The following NUP153 variants were observed in gnomAD, a reference collection of about 807,000 sequenced individuals.
NUP153 encodes the protein nucleoporin 153.
In NUP153, 27 loss-of-function variants were observed where a neutral mutation model predicts 134.6. The ratio of observed to expected loss-of-function variants is 0.20; its 90% CI spans 0.15 to 0.28. The LOEUF (loss-of-function observed/expected upper bound fraction) is 0.28. Among genes scored for constraint, NUP153 ranks in the 10% least tolerant of loss-of-function variants. The probability of loss-of-function intolerance (pLI) is 1.00; values close to 1 mark genes in which losing one functional copy is unlikely to be tolerated. For missense variants in NUP153, 1,821 were observed against 1,731.3 expected (o/e 1.05, Z -0.92); for synonymous variants, 640 against 623.5 (o/e 1.03, Z -0.40).
intron 1 of NUP153, among the ~76,000 whole-genome samples, chr6:17,701,836 G>GGGT (rs1554148697): frequency 9.4e-6 from 1 of 106,412 alleles, no homozygotes; most frequent in Non-Finnish European, 2.0e-5. Context: ...CTGTCTCGGG[G>GGGT]GGGGGGGGAA....
At chr6:17,647,534 CT>C (rs1766262718) in intron 13 of NUP153, among the ~76,000 whole-genome samples, 2 of 152,100 alleles carry the variant, frequency 1.3e-5, no homozygotes, top group South Asian at 4.1e-4. Context: ...AAAGGAATGT[CT>C]TTTTTCTTAA....
chr6:17,692,682 T>C (rs1159401276), intron 1 of NUP153, among the ~76,000 whole-genome samples: 3 of 152,164 alleles, frequency 2.0e-5, no homozygotes, highest in Admixed American at 6.5e-5. Context: ...TTAAGCTTAA[T>C]ATAATTGAGT....
intron 2 of NUP153, among the ~76,000 whole-genome samples, chr6:17,685,417 C>G (rs1284451378): frequency 6.6e-6 from 1 of 152,054 alleles, no homozygotes; most frequent in Non-Finnish European, 1.5e-5. Flanking sequence ...GGCCTGGTGG[C>G]GGGCACCTGC....
At chr6:17,701,295 C>T (rs1343738340) in intron 1 of NUP153, among the ~76,000 whole-genome samples, 1 of 151,146 alleles carries the variant, frequency 6.6e-6, no homozygotes, top group Non-Finnish European at 1.5e-5. Context: ...TTTGAGAGGC[C>T]GAGGAGGCCA....
chr6:17,646,064 T>C lies in NUP153; in HGVS notation c.1720+3A>G. The C allele has an allele frequency of 6.9e-7, 1 of 1,454,650 alleles. No homozygotes were observed. Among genetic ancestry groups the C allele is most frequent in the Non-Finnish European group, 9.6e-7 (1 of 1,043,238 alleles). The allele number at this position is 1,454,650 out of a possible 1,614,324, so 90.1% of individuals were successfully genotyped here. ...TGTTAAAATGTAAGAAATTTTTACT[T>C]ACCTGAACTACTTATAATTGGTTCT... is the stretch of plus-strand genomic sequence containing the variant. On this transcript the variant is annotated splice_donor_region_variant and intron_variant, in intron 14 of 21. Coordinates refer to ENST00000262077, the MANE Select transcript of NUP153 (RefSeq NM_005124.4).
intron 14 of NUP153, among the ~76,000 whole-genome samples, chr6:17,644,437 G>C (rs1484352804): frequency 1.3e-5 from 2 of 152,134 alleles, no homozygotes; most frequent in Non-Finnish European, 2.9e-5. Context: ...TAGCATTCCA[G>C]AACTTTTAGG....
At chr6:17,617,220 AG>A (rs1764379112) in intron 20 of NUP153, among the ~76,000 whole-genome samples, 1 of 152,190 alleles carries the variant, frequency 6.6e-6, no homozygotes, top group South Asian at 2.1e-4. Context: ...CAAGGGGAAA[AG>A]GGCACCCTGG....
In NUP153 at chr6:17,665,285, G is replaced by A. The variant is rs1394651391; in HGVS notation, c.1169C>T (p.Ser390Phe). 3 of 1,611,416 alleles carry A rather than the reference G, an allele frequency of 1.9e-6. No individual in the cohort carries two copies. Among genetic ancestry groups the A allele is most frequent in the Non-Finnish European group, 8.5e-7 (1 of 1,177,636 alleles). The change falls in exon 9 of 22, where the codon TCT (serine) becomes TTT (phenylalanine). Residue 390 changes from serine to phenylalanine, a missense_variant. By Grantham distance (155) the Ser-to-Phe change is radical. Coordinates refer to ENST00000262077, the MANE Select transcript of NUP153 (RefSeq NM_005124.4). ...SVYFKPSLTP[S>F]GEFRKTNQRI... ...TTGATTAGTCTTCCTGAATTCACCA[G>A]AAGGAGTCAGAGATGGTTTAAAATA... is the stretch of plus-strand genomic sequence containing the variant.
chr6:17,637,090 G>C (rs942708986), intron 16 of NUP153, 63 bp downstream of exon 16: 2 of 1,435,450 alleles, frequency 1.4e-6, no homozygotes. Flanking sequence ...AGGATTCTTA[G>C]AATAAATTAA....
Position 17,655,476 on chromosome 6 carries a change from CAA to C in NUP153, c.1395+6175_1395+6176del, listed in dbSNP as rs1766761169. Among the ~76,000 whole-genome samples the C allele has an allele frequency of 2.7e-5, 4 of 146,314 alleles. No individual in the cohort carries two copies. In the South Asian group the frequency reaches 8.8e-4, roughly 32 times the overall value. Reference sequence around the variant, plus strand: ...ATTATTACTTTTTTTTTTTTTAAGACAAAGTCTCAATCTGTCACCCAGGCAGG... The same window carrying C: ...ATTATTACTTTTTTTTTTTTTAAGACAGTCTCAATCTGTCACCCAGGCAGG... On this transcript the variant is annotated intron_variant, in intron 11 of 21. Transcript: ENST00000262077.
rs767926250 is a variant in NUP153, at chr6:17,629,195, C to T, written c.3004G>A (p.Val1002Ile). 2.5e-6 allele frequency: 4 copies of T among 1,613,202 alleles called. No individual in the cohort carries two copies. The highest frequency in any genetic ancestry group is 2.2e-5 in the East Asian group (1 of 44,882). Residue 1002 changes from valine (V) to isoleucine (I), a missense_variant, in exon 18 of 22, where the codon GTA becomes ATA. By Grantham distance (29) the Val-to-Ile change is conservative. Transcript: ENST00000262077. ...TTTTCTTCCTGTCCAAGATTAGATA[C>T]CCCAAATTGAAATGGAGTTAAAGAA... is the stretch of plus-strand genomic sequence containing the variant. ...PVSLTPFQFGVSNLGQEEKKE... is the reference protein window; with the variant it reads ...PVSLTPFQFGISNLGQEEKKE...
chr6:17,635,676 G>A (rs1223230896), intron 16 of NUP153, among the ~76,000 whole-genome samples: 1 of 152,200 alleles, frequency 6.6e-6, no homozygotes, highest in Admixed American at 6.5e-5. Context: ...TGGGATTACA[G>A]GCGTGAGCCA....
In NUP153 at chr6:17,649,312, C is replaced by A. The variant is rs747586849; in HGVS notation, c.1396-12G>T. On this transcript the variant is annotated splice_polypyrimidine_tract_variant and intron_variant, in intron 11 of 21. Transcript: ENST00000262077. ...GGAACTTCCATTTCCTAAAACATAA[C>A]ATGTTGCATGATATATTTCATCTTT... 1 of 1,604,120 alleles carries A rather than the reference C, an allele frequency of 6.2e-7. No homozygotes were observed.
intron 9 of NUP153, among the ~76,000 whole-genome samples, chr6:17,664,251 T>C (rs1767378128): frequency 6.6e-6 from 1 of 152,170 alleles, no homozygotes. Flanking sequence ...ATACAAATGT[T>C]CTAAAATTTA....
intron 2 of NUP153, among the ~76,000 whole-genome samples, chr6:17,678,438 T>C (rs1173491774): frequency 2.7e-5 from 4 of 146,538 alleles, no homozygotes; most frequent in African/African-American, 7.7e-5. Context: ...AAACTCCAAA[T>C]AGAAATAAAG....
intron 1 of NUP153, among the ~76,000 whole-genome samples, chr6:17,693,152 TACTC>T (rs1769385276): frequency 6.6e-6 from 1 of 151,248 alleles, no homozygotes; most frequent in South Asian, 2.1e-4. Flanking sequence ...AGTTTTTCTT[TACTC>T]ACTTTTCTTA....
At chr6:17,633,799 C>T (rs532566325) in intron 16 of NUP153, among the ~76,000 whole-genome samples, 2 of 152,252 alleles carry the variant, frequency 1.3e-5, no homozygotes, top group Non-Finnish European at 2.9e-5. Flanking sequence ...CCATAGTTAC[C>T]TAACTGATCT....
At chr6:17,622,098 CTTTTG>C (rs1764673703) in intron 20 of NUP153, among the ~76,000 whole-genome samples, 2 of 152,088 alleles carry the variant, frequency 1.3e-5, no homozygotes, top group South Asian at 4.2e-4. Flanking sequence ...CATGGCTTTT[CTTTTG>C]TTTTGTTTTG....
chr6:17,657,583 G>A (rs1419306309), intron 11 of NUP153, among the ~76,000 whole-genome samples: 1 of 151,700 alleles, frequency 6.6e-6, no homozygotes, highest in Non-Finnish European at 1.5e-5. Flanking sequence ...AACAAAACCT[G>A]GTGCCATGGT....
Sources: gnomAD v4.1 joint callset for allele counts (sites outside exome capture counted in the v4.1 genomes callset) on GRCh38, gnomAD v4.1.1 for gene constraint, MANE v1.5 for transcripts, NCBI Gene and HGNC (gene_info 2026-07-23, HGNC 2026-07-21) for gene names.